Variants in KPNA7 observed in about 807,000 individuals in gnomAD.
KPNA7 encodes karyopherin subunit alpha 7, also known as importin subunit alpha-8.
In KPNA7, 54 loss-of-function variants were observed where a neutral mutation model predicts 53.7. The observed-to-expected ratio is 1.01, with a 90% CI of 0.81 to 1.26. The LOEUF is 1.26. KPNA7 is among the 50% of genes most tolerant of loss of function. KPNA7 has a pLI of 0.00. For missense variants in KPNA7, 640 were observed against 644.5 expected (o/e 0.99, Z 0.07); for synonymous variants, 276 against 259.3 (o/e 1.06, Z -0.62).
chr7:99,185,569 A>C (rs1789536347), intron 7 of KPNA7, among the ~76,000 whole-genome samples: 1 of 152,056 alleles, frequency 6.6e-6, no homozygotes, highest in Non-Finnish European at 1.5e-5. Context: ...GCTGGTCTCA[A>C]GTGATCCTGC....
At chr7:99,205,952 C>A (rs527492813) in intron 2 of KPNA7, among the ~76,000 whole-genome samples, 13 of 152,224 alleles carry the variant, frequency 8.5e-5, no homozygotes, top group African/African-American at 2.2e-4. Context: ...CAGCACACAC[C>A]CCCCGTCCCC....
the KPNA7 span, among the ~76,000 whole-genome samples, chr7:99,161,232 T>A: frequency 9.8e-4 from 2 of 2,034 alleles, no homozygotes; most frequent in Non-Finnish European, 1.9e-3. Flanking sequence ...ACTCTCTCTC[T>A]CTCTCTCTCT....
chr7:99,213,397 G>A (rs1056208167), intron 1 of KPNA7, among the ~76,000 whole-genome samples: 1 of 137,380 alleles, frequency 7.3e-6, no homozygotes, highest in Non-Finnish European at 1.5e-5. Context: ...AAAGTGCTAG[G>A]ATTACATGTG....
intron 1 of KPNA7, among the ~76,000 whole-genome samples, chr7:99,217,766 G>A (rs935771450): frequency 1.3e-5 from 2 of 151,258 alleles, no homozygotes; most frequent in Admixed American, 6.6e-5. Flanking sequence ...AAATAGCTGG[G>A]ATTACAGTCA....
Position 99,194,432 on chromosome 7 carries a change from G to C in KPNA7, c.553+638C>G, listed in dbSNP as rs115396750. Among the ~76,000 whole-genome samples the C allele has an allele frequency of 7.9e-3, 1,203 of 152,260 alleles. 13 individuals are homozygous for C. Among genetic ancestry groups the C allele is most frequent in the African/African-American group, 0.028 (1,143 of 41,538 alleles). On this transcript the variant is annotated intron_variant, in intron 5 of 10. Transcript: ENST00000327442. ...CCTTCTGGGGTCCCGAGTTATGTAA[G>C]GGTCTATCATAAACTCCCACACTGC...
chr7:99,182,077 G>A lies in KPNA7; in HGVS notation c.1135-12C>T. On this transcript the variant is annotated splice_polypyrimidine_tract_variant and intron_variant, in intron 8 of 10. Transcript: ENST00000327442. ...ACTTTAAATTCTCCCTGCAGAACAA[G>A]AATGTTTCCATTCTCTACAGATCCT... 1 of 1,520,550 alleles carries A rather than the reference G, an allele frequency of 6.6e-7. No homozygotes were observed. The highest frequency in any genetic ancestry group is 8.9e-7 in the Non-Finnish European group (1 of 1,126,878). 94.2% of individuals were successfully genotyped at this position (1,520,550 alleles called of 1,614,324 possible).
At chr7:99,165,090 G>A in the KPNA7 span, among the ~76,000 whole-genome samples, 2 of 152,076 alleles carry the variant, frequency 1.3e-5, no homozygotes, top group African/African-American at 2.4e-5. Flanking sequence ...GCAGTGAGCC[G>A]AGATCATGCC....
the KPNA7 span, among the ~76,000 whole-genome samples, chr7:99,159,151 C>T: frequency 6.6e-6 from 1 of 151,988 alleles, no homozygotes; most frequent in Non-Finnish European, 1.5e-5. Context: ...ATGCGTGAGC[C>T]ACCATGCCCG....
intron 1 of KPNA7, among the ~76,000 whole-genome samples, chr7:99,218,594 G>A (rs909112129): frequency 1.3e-5 from 2 of 152,126 alleles, no homozygotes; most frequent in Non-Finnish European, 2.9e-5. Context: ...AGAGTAAACA[G>A]ACCCCTGCAC....
At chr7:99,154,921 A>C in the KPNA7 span, among the ~76,000 whole-genome samples, 15 of 152,006 alleles carry the variant, frequency 9.9e-5, no homozygotes, top group African/African-American at 3.6e-4. Flanking sequence ...AAATTGACAC[A>C]CCCCCTCAAT....
chr7:99,186,715 C>G (rs1173325306), intron 7 of KPNA7, among the ~76,000 whole-genome samples: 2 of 151,940 alleles, frequency 1.3e-5, no homozygotes, highest in Non-Finnish European at 2.9e-5. Context: ...CACACTCCGG[C>G]CTTGGCAACA....
At chr7:99,179,197 G>A (rs1438764953) in intron 9 of KPNA7, among the ~76,000 whole-genome samples, 1 of 152,108 alleles carries the variant, frequency 6.6e-6, no homozygotes, top group East Asian at 1.9e-4. Flanking sequence ...TGCTTAAAGT[G>A]GACTTCTAAA....
chr7:99,205,951 C>T (rs182232555), intron 2 of KPNA7, among the ~76,000 whole-genome samples: 79 of 152,226 alleles, frequency 5.2e-4, no homozygotes, highest in Middle Eastern at 3.4e-3. Context: ...ACAGCACACA[C>T]CCCCCGTCCC....
chr7:99,154,794 G>A, the KPNA7 span, among the ~76,000 whole-genome samples: 2 of 151,958 alleles, frequency 1.3e-5, no homozygotes, highest in Non-Finnish European at 2.9e-5. Context: ...GAAAGTGCTG[G>A]GATTACAGGC....
chr7:99,188,195 A>AAG (rs1584282958), intron 7 of KPNA7, 105 bp downstream of exon 7: 18,035 of 632,434 alleles, frequency 0.029, 185 homozygotes, highest in East Asian at 0.035. Flanking sequence ...AAAAAAAAAA[A>AAG]AAAGCAAAGA....
chr7:99,213,430 T>TAAAAAAAA (rs61231738), intron 1 of KPNA7, among the ~76,000 whole-genome samples: 1 of 72,882 alleles, frequency 1.4e-5, no homozygotes, highest in African/African-American at 4.7e-5. Context: ...CCTGGCCTTT[T>TAAAAAAAA]AAAAAAAAAA....
At chr7:99,217,749 G>A (rs1791250311) in intron 1 of KPNA7, among the ~76,000 whole-genome samples, 1 of 143,832 alleles carries the variant, frequency 7.0e-6, no homozygotes, top group African/African-American at 2.6e-5. Context: ...TCCTCCCTCA[G>A]CCTCCCAAAT....
chr7:99,193,207 T>A, intron 5 of KPNA7, 106 bp from the exon 6 acceptor site: 1 of 645,290 alleles, frequency 1.5e-6, no homozygotes, highest in Non-Finnish European at 2.5e-6. Flanking sequence ...AAAAACTCAT[T>A]CCCGGGTTTA....
At chr7:99,219,183 C>T (rs1227403426) in intron 1 of KPNA7, among the ~76,000 whole-genome samples, 1 of 152,226 alleles carries the variant, frequency 6.6e-6, no homozygotes, top group African/African-American at 2.4e-5. Flanking sequence ...GCCCGGGTCT[C>T]CCAGGTGAGT....
Sources: gnomAD v4.1 joint callset for allele counts (sites outside exome capture counted in the v4.1 genomes callset) on GRCh38, gnomAD v4.1.1 for gene constraint, MANE v1.5 for transcripts, NCBI Gene and HGNC (gene_info 2026-07-23, HGNC 2026-07-21) for gene names.